The following BRAF variants were observed in gnomAD, a reference collection of about 807,000 sequenced individuals.
BRAF encodes B-Raf proto-oncogene, serine/threonine kinase.
BRAF carries 16 observed loss-of-function variants against 104.6 expected under a neutral mutation model. That is an observed-to-expected ratio of 0.15 (90% confidence interval 0.10 to 0.23). BRAF has a LOEUF of 0.23. Among genes scored for constraint, BRAF ranks in the 10% least tolerant of loss-of-function variants. The pLI, the probability that BRAF is intolerant of heterozygous loss-of-function variation, is 1.00. For synonymous variants in BRAF, 310 were observed against 341.6 expected, an observed-to-expected ratio of 0.91 and a Z score of 1.02; for missense variants, 541 against 937.3, an observed-to-expected ratio of 0.58 and a Z score of 5.52.
At chr7:140,752,212 T>C (rs1797849206) in intron 16 of BRAF, among the ~76,000 whole-genome samples, 1 of 152,174 alleles carries the variant, frequency 6.6e-6, no homozygotes, top group Admixed American at 6.5e-5. Context: ...CCTCCTTTTA[T>C]GGTTTAGAGA....
At chr7:140,760,388 G>A (rs1383541501) in intron 14 of BRAF, among the ~76,000 whole-genome samples, 4 of 148,872 alleles carry the variant, frequency 2.7e-5, no homozygotes, top group Non-Finnish European at 4.4e-5. Context: ...ACTCCAGCCT[G>A]AGGGACAGAG....
chr7:140,753,267 A>G lies in BRAF; in HGVS notation c.1980+8T>C, dbSNP rs1412035678. 6.3e-7 allele frequency: 1 copy of G among 1,595,254 alleles called. No homozygotes were observed. Among genetic ancestry groups the G allele is most frequent in the African/African-American group, 1.3e-5 (1 of 74,426 alleles). Reference sequence around the variant, plus strand: ...TTTAATCAGTGGAAAAATAGCCTCAATTCTTACCATCCACAAAATGGATCC... The same window carrying G: ...TTTAATCAGTGGAAAAATAGCCTCAGTTCTTACCATCCACAAAATGGATCC... On this transcript the variant is annotated splice_region_variant and intron_variant, in intron 16 of 19. Transcript: ENST00000644969.
At chr7:140,726,907 C>T (rs1795627167) in intron 19 of BRAF, among the ~76,000 whole-genome samples, 1 of 152,142 alleles carries the variant, frequency 6.6e-6, no homozygotes, top group Non-Finnish European at 1.5e-5. Flanking sequence ...TATTATAATG[C>T]CACTATTAGG....
intron 3 of BRAF, among the ~76,000 whole-genome samples, chr7:140,810,897 C>A (rs575782183): frequency 2.6e-5 from 4 of 152,310 alleles, no homozygotes; most frequent in African/African-American, 9.6e-5. Context: ...GTATCCTGGG[C>A]AGAGCCTATT....
At chr7:140,891,600 G>A (rs1235920173) in intron 1 of BRAF, among the ~76,000 whole-genome samples, 5 of 152,130 alleles carry the variant, frequency 3.3e-5, no homozygotes, top group Admixed American at 1.3e-4. Flanking sequence ...TGTAGAAGTG[G>A]CATTTTGGGT....
intron 6 of BRAF, 135 bp from the exon 7 acceptor site, chr7:140,800,616 T>C: frequency 7.0e-7 from 1 of 1,427,782 alleles, no homozygotes; most frequent in Middle Eastern, 1.8e-4. Context: ...TTAGTTGTAT[T>C]TTTGTCTAAA....
Position 140,924,500 on chromosome 7 carries a change from A to G in BRAF, c.138+66T>C, listed in dbSNP as rs571199067. On this transcript the variant is annotated intron_variant, in intron 1 of 19. Transcript: ENST00000644969. This position sits in a 1 kb window ranked among gnomAD's most constrained non-coding sequence, Gnocchi z 4.2. ...CAAGCCCCCACCGCCGCCTCTTTCC[A>G]AAATAAACACCAGCCAGCCGCCGAG... 7.7e-5 allele frequency: 118 copies of G among 1,530,268 alleles called. 2 individuals are homozygous for G. The South Asian group carries it at 1.3e-3, about 17-fold the overall frequency. 94.8% of individuals were successfully genotyped at this position (1,530,268 alleles called of 1,614,324 possible). A position where few individuals can be genotyped will look rare whatever the true frequency, so the allele number is the denominator to read the frequency against.
chr7:140,903,285 T>C (rs1042939646), intron 1 of BRAF, among the ~76,000 whole-genome samples: 2 of 152,218 alleles, frequency 1.3e-5, no homozygotes, highest in East Asian at 3.8e-4. Flanking sequence ...TTGAAGCCAA[T>C]GCTCATTTAT....
At chr7:140,717,482 A>C (rs1030718019), downstream of BRAF, among the ~76,000 whole-genome samples, 1 of 152,076 alleles carries the variant, frequency 6.6e-6, no homozygotes, top group African/African-American at 2.4e-5. Flanking sequence ...TCCTGGCTTC[A>C]AGTGATCCTC....
intron 14 of BRAF, among the ~76,000 whole-genome samples, chr7:140,762,892 C>T (rs1483686591): frequency 6.6e-6 from 1 of 152,214 alleles, no homozygotes; most frequent in African/African-American, 2.4e-5. Context: ...TGAGTGGACA[C>T]AGCACATGTT....
At chr7:140,718,147 T>G (rs763008378), downstream of BRAF, among the ~76,000 whole-genome samples, 138 of 152,258 alleles carry the variant, frequency 9.1e-4, no homozygotes, top group Non-Finnish European at 1.4e-3. Context: ...CAGGCTAGAG[T>G]GCAATGGCGT....
Position 140,811,144 on chromosome 7 carries a change from C to G in BRAF, c.505-2149G>C, listed in dbSNP as rs146348989. 9.7e-3 allele frequency among the ~76,000 whole-genome samples: 1,474 copies of G among 152,244 alleles called. 27 individuals carry two copies. The highest frequency in any genetic ancestry group is 0.033 in the African/African-American group (1,361 of 41,546). On this transcript the variant is annotated intron_variant, in intron 3 of 19. Transcript: ENST00000644969. The stretch of plus-strand genomic sequence containing the variant: ...ATATGTCTTTAAACAGAAACACACA[C>G]AAAACAAGGTTACGTATCGACTGAC...
chr7:140,871,024 G>T (rs62484299), intron 1 of BRAF, among the ~76,000 whole-genome samples: 1 of 151,638 alleles, frequency 6.6e-6, no homozygotes, highest in South Asian at 2.1e-4. Context: ...TCAGGAGATC[G>T]AGACCATCCT....
intron 10 of BRAF, among the ~76,000 whole-genome samples, chr7:140,784,324 T>A (rs1392091236): frequency 6.6e-6 from 1 of 152,202 alleles, no homozygotes; most frequent in African/African-American, 2.4e-5. Context: ...TAAAATGGTA[T>A]CCACAATGTC....
rs71645975 is a variant in BRAF at position 140,781,079 on chromosome 7, C to T, written c.1552+497G>A. 1,173 of 161,872 alleles carry T rather than the reference C, an allele frequency of 7.2e-3. 18 individuals carry two copies. Among genetic ancestry groups the T allele is most frequent in the African/African-American group, 0.026 (1,101 of 41,584 alleles). 10.0% of individuals were successfully genotyped at this position (161,872 alleles called of 1,614,324 possible). Reference sequence around the variant, plus strand: ...TCCCAAGTAGCTGGGACTACAGGCACGTGCTTCCACACCCAGCTAATTTTT... The same window carrying T: ...TCCCAAGTAGCTGGGACTACAGGCATGTGCTTCCACACCCAGCTAATTTTT... On this transcript the variant is annotated intron_variant, in intron 12 of 19. Coordinates refer to ENST00000644969, the MANE Select transcript of BRAF (RefSeq NM_001374258.1).
intron 16 of BRAF, among the ~76,000 whole-genome samples, chr7:140,750,587 TG>T (rs2128995875): frequency 6.6e-6 from 1 of 152,256 alleles, no homozygotes; most frequent in Admixed American, 6.5e-5. Context: ...CGTGAGAGGA[TG>T]GAAGTGAAGG....
intron 14 of BRAF, among the ~76,000 whole-genome samples, chr7:140,760,765 G>A (rs577702102): frequency 8.5e-4 from 130 of 152,214 alleles, no homozygotes; most frequent in Non-Finnish European, 1.6e-3. Flanking sequence ...GAGCCGATGC[G>A]ATCAACTGGA....
chr7:140,902,685 C>T (rs1471707993), intron 1 of BRAF, among the ~76,000 whole-genome samples: 2 of 152,214 alleles, frequency 1.3e-5, no homozygotes, highest in Non-Finnish European at 2.9e-5. Flanking sequence ...ATAATCCCAG[C>T]ATTTTCAGAG....
At chr7:140,788,751 G>A (rs946625990) in intron 8 of BRAF, among the ~76,000 whole-genome samples, 1 of 151,946 alleles carries the variant, frequency 6.6e-6, no homozygotes, top group South Asian at 2.1e-4. Context: ...ACCATGCCTG[G>A]CTAATTTTTG....
Sources: gnomAD v4.1 joint callset for allele counts (sites outside exome capture counted in the v4.1 genomes callset) on GRCh38, gnomAD v4.1.1 for gene constraint, Gnocchi (gnomAD v3.1) non-coding constraint, MANE v1.5 for transcripts, NCBI Gene and HGNC (gene_info 2026-07-23, HGNC 2026-07-21) for gene names.